Variants in DHX30 observed in about 807,000 individuals in gnomAD.
DHX30 encodes the protein ATP-dependent RNA helicase DHX30.
A neutral mutation model predicts 116.9 loss-of-function variants in DHX30; 4 were observed. The observed-to-expected ratio is 0.03, with a 90% confidence interval of 0.02 to 0.08. DHX30 has a LOEUF of 0.08. Among genes scored for constraint, DHX30 ranks in the 10% least tolerant of loss-of-function variants. The pLI is 1.00. For missense variants in DHX30, 871 were observed against 1,595.1 expected, an observed-to-expected ratio of 0.55 and a Z score of 7.73; for synonymous variants, 697 against 651.7, an observed-to-expected ratio of 1.07 and a Z score of -1.06.
chr3:47,828,766 C>T (rs1235188270), intron 5 of DHX30, among the ~76,000 whole-genome samples: 3 of 151,972 alleles, frequency 2.0e-5, no homozygotes, highest in African/African-American at 7.2e-5. Flanking sequence ...CCGGCTTGGC[C>T]TCTGGCTAGA....
intron 6 of DHX30, among the ~76,000 whole-genome samples, chr3:47,839,852 T>A (rs549907141): frequency 1.1e-4 from 17 of 150,062 alleles, no homozygotes; most frequent in African/African-American, 3.7e-4. Flanking sequence ...ATTTTTGTAT[T>A]TTTAGGAGGA....
chr3:47,840,650 C>A (rs1280466864), intron 6 of DHX30, among the ~76,000 whole-genome samples: 9 of 152,026 alleles, frequency 5.9e-5, no homozygotes, highest in Non-Finnish European at 1.3e-4. Context: ...AAACAAAAAA[C>A]AAACAGTATC....
At position 47,848,098 on chromosome 3, in the gene DHX30, G is replaced by A. The variant is rs2037697887; in HGVS notation, c.2287-82G>A. 1 of 1,589,570 alleles carries A rather than the reference G, an allele frequency of 6.3e-7. No homozygotes were observed. Among genetic ancestry groups the A allele is most frequent in the African/African-American group, 1.3e-5 (1 of 74,450 alleles). On this transcript the variant is annotated intron_variant, in intron 14 of 21. Transcript: ENST00000445061. The surrounding 1 kb of genome is among the most constrained non-coding windows in gnomAD (Gnocchi z 9.4). ...TGGGGTCTCAGTGTTCCTGATGTAG[G>A]GGGCTGGTGAGGGTTACTCAGGGAG...
intron 3 of DHX30, among the ~76,000 whole-genome samples, chr3:47,814,323 G>A (rs1346457916): frequency 1.3e-5 from 2 of 150,120 alleles, no homozygotes; most frequent in East Asian, 3.9e-4. Flanking sequence ...CTACTTGGGA[G>A]GCTGAGGCAG....
chr3:47,838,378 A>G (rs1389379677), intron 6 of DHX30, among the ~76,000 whole-genome samples: 2 of 152,234 alleles, frequency 1.3e-5, no homozygotes, highest in African/African-American at 4.8e-5. Context: ...CTCACACATA[A>G]AAGTTCTATC....
chr3:47,835,045 C>T (rs2037039638), intron 6 of DHX30, among the ~76,000 whole-genome samples: 1 of 151,854 alleles, frequency 6.6e-6, no homozygotes, highest in Admixed American at 6.6e-5. Flanking sequence ...GCTCTGTTGC[C>T]CAGGCTAGAG....
chr3:47,820,800 A>G (rs903916756), intron 4 of DHX30, among the ~76,000 whole-genome samples: 1 of 151,910 alleles, frequency 6.6e-6, no homozygotes, highest in Non-Finnish European at 1.5e-5. Context: ...TTTTTTCAGA[A>G]CTTCCCTCCT....
rs1259175744 is a variant in DHX30 at position 47,849,567 on chromosome 3, A to G, written c.3191+13A>G. The G allele has an allele frequency of 1.9e-6, 3 of 1,613,214 alleles. No homozygotes were observed. Among genetic ancestry groups the G allele is most frequent in the Non-Finnish European group, 2.5e-6 (3 of 1,179,216 alleles). Reference sequence around the variant, plus strand: ...CGACCATTAACAGGTGAGGGCATGCAGGCCTGGATGGGGCAGCTGGGATGG... The same window carrying G: ...CGACCATTAACAGGTGAGGGCATGCGGGCCTGGATGGGGCAGCTGGGATGG... On this transcript the variant is annotated intron_variant, in intron 20 of 21. Coordinates refer to ENST00000445061, the MANE Select transcript of DHX30 (RefSeq NM_138615.3).
chr3:47,803,663 C>T (rs1388558885), intron 1 of DHX30, among the ~76,000 whole-genome samples: 1 of 152,228 alleles, frequency 6.6e-6, no homozygotes, highest in Non-Finnish European at 1.5e-5. Context: ...AGAGGGAGGC[C>T]CGGTGCCTTC....
At chr3:47,824,731 T>C (rs2036463995) in intron 4 of DHX30, 1 of 297,192 alleles carries the variant, frequency 3.4e-6, no homozygotes, top group Non-Finnish European at 6.1e-6. Flanking sequence ...TTAGATGACA[T>C]TGAGCTAAGG....
chr3:47,808,201 C>T lies in DHX30; in HGVS notation c.-27-2456C>T, dbSNP rs372617752. Among the ~76,000 whole-genome samples, 128 of 151,688 alleles carry T rather than the reference C, an allele frequency of 8.4e-4. 1 individual carries two copies. The highest frequency in any genetic ancestry group is 2.6e-3 in the African/African-American group (107 of 41,396). ...CTGGGATTACAGGCATGAGCCACTG[C>T]ACCCGCCTTACTTTTTGTTTTTTTT... On this transcript the variant is annotated intron_variant, in intron 2 of 21. Coordinates refer to ENST00000445061, the MANE Select transcript of DHX30 (RefSeq NM_138615.3).
intron 3 of DHX30, chr3:47,816,380 A>C (rs2036057879): frequency 1.1e-6 from 1 of 946,338 alleles, no homozygotes; most frequent in African/African-American, 2.0e-5. Flanking sequence ...TTTTTTTAAG[A>C]CGGAGTCTTG....
At position 47,847,908 on chromosome 3, in the gene DHX30, G is replaced by A; in HGVS notation, c.2238G>A (p.Val746=). The A allele has an allele frequency of 6.2e-7, 1 of 1,614,156 alleles. No homozygotes were observed. The highest frequency in any genetic ancestry group is 8.5e-7 in the Non-Finnish European group (1 of 1,180,028). ...TCACAATCAATGACATCGTGCATGT[G>A]GTGGACAGTGGGCTGCACAAGGAAG... ...TSITINDIVH[V]VDSGLHKEER... The change falls in exon 14 of 22, where the codon GTG becomes GTA. Residue 746 remains valine, a synonymous_variant. Coordinates refer to ENST00000445061, the MANE Select transcript of DHX30 (RefSeq NM_138615.3). This position sits in a 1 kb window ranked among gnomAD's most constrained non-coding sequence, Gnocchi z 5.5.
Position 47,849,359 on chromosome 3 carries a change from C to T in DHX30, c.3087+10C>T. 2 of 1,608,180 alleles carry T rather than the reference C, an allele frequency of 1.2e-6. No individual in the cohort carries two copies. Among genetic ancestry groups the T allele is most frequent in the Non-Finnish European group, 1.7e-6 (2 of 1,176,284 alleles). On this transcript the variant is annotated intron_variant, in intron 19 of 21. Coordinates refer to ENST00000445061, the MANE Select transcript of DHX30 (RefSeq NM_138615.3). The stretch of plus-strand genomic sequence containing the variant: ...CCCCAACCTCATCCAGGTGCTGCCT[C>T]TGGGAGGGAATGGAGTTCACCAGGT...
chr3:47,804,053 TG>T (rs1451561775), intron 1 of DHX30, among the ~76,000 whole-genome samples: 1 of 152,248 alleles, frequency 6.6e-6, no homozygotes, highest in Non-Finnish European at 1.5e-5. Context: ...AGACGTTGTC[TG>T]GTGATTTCCC....
chr3:47,831,219 T>C (rs1208842737), intron 6 of DHX30: 1 of 151,470 alleles, frequency 6.6e-6, no homozygotes, highest in African/African-American at 2.4e-5. Flanking sequence ...CCTCAGGAAG[T>C]CATGGTGGAA....
Position 47,846,377 on chromosome 3 carries a change from T to C in DHX30, c.1305T>C (p.Pro435=), listed in dbSNP as rs1172763813. The change falls in exon 11 of 22, where the codon CCT becomes CCC. Residue 435 remains proline, a synonymous_variant. Coordinates refer to ENST00000445061, the MANE Select transcript of DHX30 (RefSeq NM_138615.3). The part of the protein sequence containing the change: ...GPVWQEAPQL[P]VDPHRDTILN... ...TCTGGCAGGAGGCCCCCCAGCTACC[T>C]GTGGACCCACATCGGGACACCATCC... is the stretch of plus-strand genomic sequence containing the variant. The C allele has an allele frequency of 1.9e-6, 3 of 1,614,016 alleles. No homozygotes were observed. The South Asian group carries it at 3.3e-5, about 18-fold the overall frequency.
rs2037641517 is a variant in DHX30 at position 47,847,068 on chromosome 3, CCCTGGGGCTTGGTG to C, written c.1929+76_1929+89del. 1 of 1,556,888 alleles carries C rather than the reference CCCTGGGGCTTGGTG, an allele frequency of 6.4e-7. No individual in the cohort carries two copies. The highest frequency in any genetic ancestry group is 8.7e-7 in the Non-Finnish European group (1 of 1,147,092). ...CTCCGTGGATGCCCCTCCTCCCTGG[CCCTGGGGCTTGGTG>C]CCTGGGGCAAGTTACCCTCCCCAGT... is the stretch of plus-strand genomic sequence containing the variant. On this transcript the variant is annotated intron_variant, in intron 11 of 21. Transcript: ENST00000445061. The surrounding 1 kb of genome is among the most constrained non-coding windows in gnomAD (Gnocchi z 5.5).
rs917640188 is a variant in DHX30, at chr3:47,849,507, T to C, written c.3144T>C (p.Tyr1048=). The change falls in exon 20 of 22, where the codon TAT becomes TAC. Residue 1048 remains tyrosine, a synonymous_variant. Coordinates refer to ENST00000445061, the MANE Select transcript of DHX30 (RefSeq NM_138615.3). ...QGKFKPNSVT[Y]RTKSGNILLH... ...AGTTCAAGCCCAACAGCGTCACATA[T>C]AGGACCAAATCAGGCAACATCCTGC... 1.9e-6 allele frequency: 3 copies of C among 1,601,004 alleles called. No individual in the cohort carries two copies. Among genetic ancestry groups the C allele is most frequent in the East Asian group, 2.2e-5 (1 of 44,602 alleles).
Sources: gnomAD v4.1 joint callset for allele counts (sites outside exome capture counted in the v4.1 genomes callset) on GRCh38, gnomAD v4.1.1 for gene constraint, Gnocchi (gnomAD v3.1) non-coding constraint, MANE v1.5 for transcripts, NCBI Gene and HGNC (gene_info 2026-07-23, HGNC 2026-07-21) for gene names.